Variants in SEL1L3 observed in about 807,000 individuals in gnomAD.
The protein encoded by SEL1L3 is protein sel-1 homolog 3.
A neutral mutation model predicts 142.8 loss-of-function variants in SEL1L3; 76 were observed. The observed-to-expected ratio is 0.53, with a 90% CI of 0.44 to 0.64. The LOEUF is 0.64. SEL1L3 is among the 30% of genes least tolerant of loss of function. SEL1L3 has a pLI of 0.00. For synonymous variants in SEL1L3, 504 were observed against 519.6 expected (o/e 0.97, Z 0.41); for missense variants, 1,262 against 1,381.7 (o/e 0.91, Z 1.37).
At chr4:25,779,790 A>T (rs1719876340) in intron 15 of SEL1L3, among the ~76,000 whole-genome samples, 1 of 152,170 alleles carries the variant, frequency 6.6e-6, no homozygotes, top group Admixed American at 6.5e-5. Context: ...TATTTTTCTG[A>T]GGCAGTTGGC....
chr4:25,749,520 G>A (rs1191201735), intron 23 of SEL1L3, among the ~76,000 whole-genome samples: 2 of 152,172 alleles, frequency 1.3e-5, no homozygotes, highest in African/African-American at 4.8e-5. Flanking sequence ...TTCTTCCACT[G>A]GGGGGTTTGC....
chr4:25,862,044 A>G (rs1339015899), intron 1 of SEL1L3: 2 of 152,234 alleles, frequency 1.3e-5, no homozygotes, highest in Non-Finnish European at 2.9e-5. Flanking sequence ...AGACGCAGCT[A>G]AAGTCACCAC....
chr4:25,772,258 C>T (rs548179344), intron 17 of SEL1L3, among the ~76,000 whole-genome samples: 2 of 152,298 alleles, frequency 1.3e-5, no homozygotes, highest in African/African-American at 4.8e-5. Flanking sequence ...GTAATAGATA[C>T]AAAACGTTTC....
intron 23 of SEL1L3, chr4:25,756,093 C>G (rs979388935): frequency 3.0e-6 from 3 of 985,270 alleles, no homozygotes; most frequent in East Asian, 1.1e-4. Flanking sequence ...GTGGAAGAGA[C>G]GCTGACGTGC....
chr4:25,749,868 A>G (rs1013333841), intron 23 of SEL1L3, among the ~76,000 whole-genome samples: 5 of 152,248 alleles, frequency 3.3e-5, no homozygotes, highest in Admixed American at 1.3e-4. Context: ...GAACAGAAAA[A>G]GAGTAATATT....
chr4:25,845,938 G>A (rs1716475590), intron 2 of SEL1L3, among the ~76,000 whole-genome samples: 2 of 152,292 alleles, frequency 1.3e-5, no homozygotes, highest in South Asian at 4.2e-4. Context: ...TTAGAGTCGT[G>A]AGGAAGGTGT....
Position 25,758,674 on chromosome 4 carries a change from C to CT in SEL1L3, c.3083+266dup, listed in dbSNP as rs200110152. Among the ~76,000 whole-genome samples the CT allele has an allele frequency of 3.7e-3, 529 of 141,318 alleles. 1 individual carries two copies. The highest frequency in any genetic ancestry group is 8.0e-3 in the African/African-American group (310 of 38,804). The allele number at this position is 141,318 out of a possible 152,430, so 92.7% of individuals were successfully genotyped here. A position where few individuals can be genotyped will look rare whatever the true frequency, so the allele number is the denominator to read the frequency against. ...CCTGGGCTTTTTCTTTCTTTTCTTT[C>CT]TTTTTTTTTTTTTTCTTTTAGTAGA... On this transcript the variant is annotated intron_variant, in intron 21 of 23. Coordinates refer to ENST00000399878, the MANE Select transcript of SEL1L3 (RefSeq NM_015187.5).
In SEL1L3 at chr4:25,795,586, G is replaced by T. The variant is rs567379754; in HGVS notation, c.1957-5012C>A. Among the ~76,000 whole-genome samples, 12 of 152,268 alleles carry T rather than the reference G, an allele frequency of 7.9e-5. 1 individual carries two copies. The highest frequency in any genetic ancestry group is 4.6e-4 in the Admixed American group (7 of 15,302). On this transcript the variant is annotated intron_variant, in intron 11 of 23. Coordinates refer to ENST00000399878, the MANE Select transcript of SEL1L3 (RefSeq NM_015187.5). ...AGACCATCATGGCTCCCATGTTACGGGTGAGAAACACACAGAGGTAAGCAG... is the reference window on the plus strand; with the variant it reads ...AGACCATCATGGCTCCCATGTTACGTGTGAGAAACACACAGAGGTAAGCAG...
At chr4:25,785,799 G>T (rs1447737352) in intron 13 of SEL1L3, among the ~76,000 whole-genome samples, 16 of 152,238 alleles carry the variant, frequency 1.1e-4, no homozygotes, top group Non-Finnish European at 1.5e-5. Context: ...GCGCCTGGTT[G>T]AAGTATAATA....
At chr4:25,792,954 G>T (rs143257144) in intron 11 of SEL1L3, among the ~76,000 whole-genome samples, 29 of 152,266 alleles carry the variant, frequency 1.9e-4, no homozygotes, top group African/African-American at 6.7e-4. Context: ...TGCAGTGATT[G>T]ATATTCTTAG....
chr4:25,840,308 G>T (rs1716090194), intron 2 of SEL1L3, among the ~76,000 whole-genome samples: 1 of 151,688 alleles, frequency 6.6e-6, no homozygotes, highest in South Asian at 2.1e-4. Context: ...AACTAGGTCT[G>T]TTTTTTTTAA....
At chr4:25,728,860 C>CA in the SEL1L3 span, among the ~76,000 whole-genome samples, 897 of 95,018 alleles carry the variant, frequency 9.4e-3, 6 homozygotes, top group South Asian at 0.029. Flanking sequence ...AGACTTGTGT[C>CA]AAAAAAAAAA....
chr4:25,797,412 CTA>C (rs1560309192), intron 11 of SEL1L3, among the ~76,000 whole-genome samples: 6 of 152,164 alleles, frequency 3.9e-5, no homozygotes. Context: ...TTAAAATCAG[CTA>C]TAATGTTAGG....
At chr4:25,811,748 GTT>G (rs60024973) in intron 9 of SEL1L3, among the ~76,000 whole-genome samples, 2,936 of 121,560 alleles carry the variant, frequency 0.024, 104 homozygotes, top group African/African-American at 0.079. Flanking sequence ...TTCTTTTCCT[GTT>G]TTTTTTTTTT....
the SEL1L3 span, among the ~76,000 whole-genome samples, chr4:25,734,983 A>AT: frequency 3.3e-5 from 5 of 151,126 alleles, no homozygotes; most frequent in African/African-American, 9.7e-5. Context: ...GTTCAGAAGT[A>AT]TTTTTTTTCT....
chr4:25,768,560 C>T (rs574083655), intron 17 of SEL1L3, among the ~76,000 whole-genome samples: 9 of 152,304 alleles, frequency 5.9e-5, no homozygotes, highest in Non-Finnish European at 1.3e-4. Flanking sequence ...CCATGTGGCC[C>T]TACAGTTCTC....
intron 2 of SEL1L3, among the ~76,000 whole-genome samples, chr4:25,843,607 A>G (rs1441285778): frequency 1.3e-5 from 2 of 152,220 alleles, no homozygotes; most frequent in Non-Finnish European, 2.9e-5. Flanking sequence ...CCCTCCCTCA[A>G]GGAAATAAGC....
In SEL1L3 at chr4:25,850,547, G is replaced by A. The variant is rs142429917; in HGVS notation, c.163-2683C>T. 2.3e-3 allele frequency among the ~76,000 whole-genome samples: 354 copies of A among 152,292 alleles called. 3 individuals carry two copies. Among genetic ancestry groups the A allele is most frequent in the African/African-American group, 8.0e-3 (332 of 41,558 alleles). On this transcript the variant is annotated intron_variant, in intron 1 of 23. Transcript: ENST00000399878. Reference sequence around the variant, plus strand: ...AGTAATATCTACTAAAATTATAAATGCACTCACCCTCTGGACCAATAATTT... The same window carrying A: ...AGTAATATCTACTAAAATTATAAATACACTCACCCTCTGGACCAATAATTT...
At chr4:25,795,554 C>T (rs1311720390) in intron 11 of SEL1L3, among the ~76,000 whole-genome samples, 1 of 152,188 alleles carries the variant, frequency 6.6e-6, no homozygotes, top group Non-Finnish European at 1.5e-5. Flanking sequence ...AACAACATGA[C>T]AGGTGCAGAC....
Sources: gnomAD v4.1 joint callset for allele counts (sites outside exome capture counted in the v4.1 genomes callset) on GRCh38, gnomAD v4.1.1 for gene constraint, MANE v1.5 for transcripts, NCBI Gene and HGNC (gene_info 2026-07-23, HGNC 2026-07-21) for gene names.